The following CNTNAP3B variants were observed in gnomAD, a reference collection of about 807,000 sequenced individuals.
CNTNAP3B encodes the protein contactin associated protein family member 3B, also known as contactin-associated protein-like 3B.
Under a neutral mutation model 108.9 loss-of-function variants are expected in CNTNAP3B, and 25 were observed. The ratio of observed to expected loss-of-function variants is 0.23; its 90% CI spans 0.17 to 0.32. The LOEUF (loss-of-function observed/expected upper bound fraction) is 0.32. Among genes scored for constraint, CNTNAP3B ranks in the 10% least tolerant of loss-of-function variants. The pLI is 1.00. For missense variants in CNTNAP3B, 252 were observed against 1,210.4 expected (o/e 0.21, Z 11.75); for synonymous variants, 103 against 473.4 (o/e 0.22, Z 10.16).
intron 2 of CNTNAP3B, among the ~76,000 whole-genome samples, chr9:42,094,700 A>G (rs1472369489): frequency 1.2e-5 from 1 of 84,782 alleles, no homozygotes; most frequent in African/African-American, 4.7e-5. Context: ...AGAAAAAAAG[A>G]GGGAAGGAAA....
chr9:41,894,320 G>T (rs1823382943), intron 23 of CNTNAP3B, among the ~76,000 whole-genome samples: 2 of 111,788 alleles, frequency 1.8e-5, no homozygotes, highest in Non-Finnish European at 3.5e-5. Context: ...TAGAGATGGG[G>T]TGTTGCTATG....
intron 10 of CNTNAP3B, among the ~76,000 whole-genome samples, chr9:41,964,904 C>A (rs573128939): frequency 6.6e-6 from 1 of 152,382 alleles, no homozygotes; most frequent in South Asian, 2.1e-4. Flanking sequence ...CCAAGTGACA[C>A]AATAACTTGA....
At chr9:41,967,800 A>G (rs1288664749) in intron 10 of CNTNAP3B, among the ~76,000 whole-genome samples, 1 of 152,288 alleles carries the variant, frequency 6.6e-6, no homozygotes, top group South Asian at 2.1e-4. Flanking sequence ...TGGGAATGAA[A>G]TAGTAAATAG....
At chr9:42,044,638 G>A (rs1244405549) in intron 3 of CNTNAP3B, among the ~76,000 whole-genome samples, 4 of 145,524 alleles carry the variant, frequency 2.7e-5, no homozygotes, top group Non-Finnish European at 4.5e-5. Context: ...GACGGGGTCC[G>A]AAGAAATTCA....
chr9:41,961,537 G>A (rs542833458), intron 11 of CNTNAP3B, among the ~76,000 whole-genome samples: 1 of 152,418 alleles, frequency 6.6e-6, no homozygotes, highest in African/African-American at 2.4e-5. Flanking sequence ...TAAATAATCT[G>A]GTATTTTCCC....
intron 1 of CNTNAP3B, among the ~76,000 whole-genome samples, chr9:42,119,926 A>T (rs1305249225): frequency 7.1e-6 from 1 of 140,288 alleles, no homozygotes; most frequent in Non-Finnish European, 1.5e-5. Flanking sequence ...CAAGGACTTC[A>T]TGTCTAAAAC....
chr9:41,933,799 C>T (rs1824053644), intron 14 of CNTNAP3B, among the ~76,000 whole-genome samples: 1 of 152,250 alleles, frequency 6.6e-6, no homozygotes, highest in Admixed American at 6.5e-5. Flanking sequence ...CATGCATGAG[C>T]TTTTAAAAGT....
chr9:42,121,758 T>C (rs1828468381), intron 1 of CNTNAP3B, among the ~76,000 whole-genome samples: 1 of 140,136 alleles, frequency 7.1e-6, no homozygotes, highest in Admixed American at 7.1e-5. Flanking sequence ...TCACTATTTC[T>C]TATATCATGT....
rs1355378518 is a variant in CNTNAP3B, at chr9:42,124,973, T to A, written c.85+4037A>T. ...TTTTTCTATTGGTCCATGTTTCCTT[T>A]AAACACAATTTTGAATGGTTTTTTA... On this transcript the variant is annotated intron_variant, in intron 1 of 23. Coordinates refer to ENST00000377561, the MANE Select transcript of CNTNAP3B (RefSeq NM_001201380.3). Among the ~76,000 whole-genome samples, 5 of 136,398 alleles carry A rather than the reference T, an allele frequency of 3.7e-5. 1 individual carries two copies. The highest frequency in any genetic ancestry group is 8.9e-5 in the African/African-American group (3 of 33,886). The allele number at this position is 136,398 out of a possible 152,430, so 89.5% of individuals were successfully genotyped here. A position where few individuals can be genotyped will look rare whatever the true frequency, so the allele number is the denominator to read the frequency against.
intron 3 of CNTNAP3B, among the ~76,000 whole-genome samples, chr9:42,043,037 A>C (rs1219966423): frequency 6.7e-6 from 1 of 149,688 alleles, no homozygotes; most frequent in Non-Finnish European, 1.5e-5. Flanking sequence ...AGCACTTCCC[A>C]CATACTTCCT....
chr9:42,014,790 CA>C (rs1223418860), intron 3 of CNTNAP3B, among the ~76,000 whole-genome samples: 1,411 of 22,672 alleles, frequency 0.062, 15 homozygotes, highest in East Asian at 0.16. Flanking sequence ...GACTCCGTCA[CA>C]AAAAAAAAAA....
In CNTNAP3B at chr9:42,038,499, A is replaced by G. The variant is rs1332394707; in HGVS notation, c.391-24974T>C. Among the ~76,000 whole-genome samples, 2 of 104,500 alleles carry G rather than the reference A, an allele frequency of 1.9e-5. 1 individual carries two copies. Among genetic ancestry groups the G allele is most frequent in the Non-Finnish European group, 4.1e-5 (2 of 49,036 alleles). 68.6% of individuals were successfully genotyped at this position (104,500 alleles called of 152,430 possible). A position where few individuals can be genotyped will look rare whatever the true frequency, so the allele number is the denominator to read the frequency against. ...GCAATCCTAGTCTCAGATAAAACAG[A>G]CTTTAAACCAACAAAGATCAAAAGA... On this transcript the variant is annotated intron_variant, in intron 3 of 23. Coordinates refer to ENST00000377561, the MANE Select transcript of CNTNAP3B (RefSeq NM_001201380.3).
rs1158108139 is a variant in CNTNAP3B at position 42,099,629 on chromosome 9, A to G, written c.196+5000T>C. Among the ~76,000 whole-genome samples the G allele has an allele frequency of 1.8e-4, 18 of 101,860 alleles. 1 individual carries two copies. Among genetic ancestry groups the G allele is most frequent in the Admixed American group, 1.4e-3 (13 of 9,602 alleles). 66.8% of individuals were successfully genotyped at this position (101,860 alleles called of 152,430 possible). ...CTTTGCTGCTTACAGATCCCCAAAT[A>G]AGACAGCTTGCTTCATTAGTGAAGG... On this transcript the variant is annotated intron_variant, in intron 2 of 23. Transcript: ENST00000377561.
intron 14 of CNTNAP3B, among the ~76,000 whole-genome samples, chr9:41,931,918 G>T (rs1421391600): frequency 6.6e-6 from 1 of 151,232 alleles, no homozygotes; most frequent in Admixed American, 6.6e-5. Flanking sequence ...AATACTGACT[G>T]TGCAAAATAT....
chr9:41,934,865 A>T (rs1326068488), intron 14 of CNTNAP3B, among the ~76,000 whole-genome samples: 2 of 152,300 alleles, frequency 1.3e-5, no homozygotes, highest in Non-Finnish European at 2.9e-5. Flanking sequence ...TATGCATTTA[A>T]ACCATCTTAT....
chr9:41,954,220 G>A (rs1305260788), intron 12 of CNTNAP3B, among the ~76,000 whole-genome samples: 4 of 152,350 alleles, frequency 2.6e-5, no homozygotes, highest in African/African-American at 9.6e-5. Flanking sequence ...CTGGAGAAAC[G>A]AAGAAACATT....
intron 7 of CNTNAP3B, among the ~76,000 whole-genome samples, chr9:41,995,730 C>CA (rs1167589988): frequency 0.052 from 3,452 of 66,308 alleles, 260 homozygotes; most frequent in South Asian, 0.091. Flanking sequence ...GACTCCGTCT[C>CA]AAAAAAAAAA....
Position 41,956,278 on chromosome 9 carries a change from G to A in CNTNAP3B, c.1877-2892C>T, listed in dbSNP as rs1167060836. Among the ~76,000 whole-genome samples, 19 of 151,552 alleles carry A rather than the reference G, an allele frequency of 1.3e-4. No homozygotes were observed. In the East Asian group the frequency reaches 2.6e-3, roughly 20 times the overall value. On this transcript the variant is annotated intron_variant, in intron 12 of 23. Coordinates refer to ENST00000377561, the MANE Select transcript of CNTNAP3B (RefSeq NM_001201380.3). ...GCACATGCCTGTAGTCCCAGCTACC[G>A]GGGAGGCCGAGGCAGAAGAATCATT...
At chr9:42,075,010 T>C (rs1422164680) in intron 3 of CNTNAP3B, among the ~76,000 whole-genome samples, 1 of 146,358 alleles carries the variant, frequency 6.8e-6, no homozygotes, top group Non-Finnish European at 1.5e-5. Context: ...CTCCGGAGGC[T>C]CTAGGGAGGG....
Sources: allele counts gnomAD v4.1 joint callset (sites outside exome capture counted in the v4.1 genomes callset), GRCh38; gene constraint gnomAD v4.1.1; transcripts MANE v1.5; gene names NCBI Gene and HGNC (gene_info 2026-07-23, HGNC 2026-07-21).